Variants in MECOM observed in about 807,000 individuals in gnomAD.
The protein encoded by MECOM is MDS1 and EVI1 complex locus, also known as histone-lysine N-methyltransferase MECOM.
MECOM carries 13 observed loss-of-function variants against 116.3 expected under a neutral mutation model. The ratio of observed to expected loss-of-function variants is 0.11; its 90% CI spans 0.07 to 0.18. The LOEUF (loss-of-function observed/expected upper bound fraction) is 0.18. MECOM is among the 10% of genes least tolerant of loss of function. The pLI is 1.00. For missense variants in MECOM, 1,299 were observed against 1,509.0 expected (o/e 0.86, Z 2.31); for synonymous variants, 528 against 535.2 (o/e 0.99, Z 0.19).
At chr3:169,339,945 G>A (rs1432712988) in intron 2 of MECOM, among the ~76,000 whole-genome samples, 1 of 152,130 alleles carries the variant, frequency 6.6e-6, no homozygotes, top group Admixed American at 6.5e-5. Context: ...TTTCTAACAA[G>A]AGAATAGGAT....
At position 169,223,746 on chromosome 3, in the gene MECOM, A is replaced by G. The variant is rs1390005550; in HGVS notation, c.376-79914T>C. On this transcript the variant is annotated intron_variant, in intron 2 of 16. Transcript: ENST00000651503. ...GATAGTAATAGTACTACAATATCCA[A>G]CCACTTGATTTAACAGTATGTACAT... Among the ~76,000 whole-genome samples, 3 of 152,274 alleles carry G rather than the reference A, an allele frequency of 2.0e-5. 1 individual carries two copies. The East Asian group carries it at 5.8e-4, about 29-fold the overall frequency.
intron 2 of MECOM, among the ~76,000 whole-genome samples, chr3:169,351,056 C>A (rs976845184): frequency 1.3e-5 from 2 of 151,706 alleles, no homozygotes; most frequent in African/African-American, 4.8e-5. Flanking sequence ...CTAACTAATC[C>A]GATTTACATT....
At chr3:169,593,860 T>G (rs1182243268) in intron 1 of MECOM, among the ~76,000 whole-genome samples, 3 of 152,152 alleles carry the variant, frequency 2.0e-5, no homozygotes, top group Non-Finnish European at 4.4e-5. Flanking sequence ...GGCTCACACC[T>G]GTAATCCTGG....
intron 12 of MECOM, among the ~76,000 whole-genome samples, chr3:169,097,394 G>A (rs554672041): frequency 2.0e-5 from 3 of 152,116 alleles, no homozygotes; most frequent in South Asian, 4.1e-4. Context: ...ATTCCAATAA[G>A]AGCCTAAGTT....
At position 169,116,288 on chromosome 3, in the gene MECOM, G is replaced by T. The variant is rs1177270970; in HGVS notation, c.1584C>A (p.Leu528=). 1 of 1,614,080 alleles carries T rather than the reference G, an allele frequency of 6.2e-7. No homozygotes were observed. Among genetic ancestry groups the T allele is most frequent in the African/African-American group, 1.3e-5 (1 of 74,916 alleles). ...TEQTNKSQSP[L]MTHPQILPAT... Reference sequence around the variant, plus strand: ...CTGGCAGTATCTGAGGATGTGTCATGAGGGGACTTTGACTTTTGTTTGTCT... The same window carrying T: ...CTGGCAGTATCTGAGGATGTGTCATTAGGGGACTTTGACTTTTGTTTGTCT... Residue 528 remains leucine, a synonymous_variant, in exon 8 of 17, where the codon CTC becomes CTA. Transcript: ENST00000651503.
At chr3:169,387,060 AATTTGCC>A (rs1733454827) in intron 1 of MECOM, among the ~76,000 whole-genome samples, 2 of 152,288 alleles carry the variant, frequency 1.3e-5, no homozygotes, top group South Asian at 4.1e-4. Flanking sequence ...CCTAGTAGAC[AATTTGCC>A]ATTTGGTATT....
intron 1 of MECOM, among the ~76,000 whole-genome samples, chr3:169,424,393 C>T (rs1288280576): frequency 6.6e-6 from 1 of 152,094 alleles, no homozygotes; most frequent in African/African-American, 2.4e-5. Context: ...TTTTTCTGAT[C>T]TGATTGGCAG....
Position 169,351,377 on chromosome 3 carries a change from T to G in MECOM, c.375+29810A>C, listed in dbSNP as rs9853288. Among the ~76,000 whole-genome samples, 927 of 151,548 alleles carry G rather than the reference T, an allele frequency of 6.1e-3. 8 individuals are homozygous for G. The highest frequency in any genetic ancestry group is 0.022 in the African/African-American group (900 of 41,344). On this transcript the variant is annotated intron_variant, in intron 2 of 16. Coordinates refer to ENST00000651503, the MANE Select transcript of MECOM (RefSeq NM_004991.4). ...TAGATATTTTAGTCAATAATTGCAATTTTGTATCTAAGGTGATAAATCTAC... is the reference window on the plus strand; with the variant it reads ...TAGATATTTTAGTCAATAATTGCAAGTTTGTATCTAAGGTGATAAATCTAC...
chr3:169,273,813 G>C (rs1192877611), intron 2 of MECOM, among the ~76,000 whole-genome samples: 1 of 151,572 alleles, frequency 6.6e-6, no homozygotes, highest in East Asian at 1.9e-4. Context: ...GAAGAGGATG[G>C]TTTTGTCCCT....
chr3:169,576,832 C>CAGAG (rs1200979108), intron 1 of MECOM, among the ~76,000 whole-genome samples: 3,300 of 101,482 alleles, frequency 0.033, 42 homozygotes, highest in African/African-American at 0.047. Context: ...CACACACACA[C>CAGAG]ACACACAGAG....
chr3:169,483,712 G>A (rs983986411), intron 1 of MECOM: 12 of 1,584,236 alleles, frequency 7.6e-6, no homozygotes, highest in African/African-American at 4.1e-5. Flanking sequence ...TGGTTAATCT[G>A]GAAGTAACGT....
chr3:169,368,392 T>G (rs1469912679), intron 2 of MECOM, among the ~76,000 whole-genome samples: 3 of 152,076 alleles, frequency 2.0e-5, no homozygotes, highest in Non-Finnish European at 2.9e-5. Context: ...TCTATCAATG[T>G]AAATAAACTT....
chr3:169,418,438 C>T (rs2108494366), intron 1 of MECOM, among the ~76,000 whole-genome samples: 1 of 152,090 alleles, frequency 6.6e-6, no homozygotes, highest in East Asian at 1.9e-4. Flanking sequence ...CTGGTAGAGA[C>T]ACAACAAAAA....
chr3:169,572,952 A>G (rs1764091748), intron 1 of MECOM, among the ~76,000 whole-genome samples: 1 of 152,092 alleles, frequency 6.6e-6, no homozygotes, highest in South Asian at 2.1e-4. Context: ...CGTTCTGCAC[A>G]TGTATCCCAG....
At chr3:169,636,584 A>G (rs963482232) in intron 1 of MECOM, among the ~76,000 whole-genome samples, 1 of 152,156 alleles carries the variant, frequency 6.6e-6, no homozygotes, top group Admixed American at 6.5e-5. Flanking sequence ...GCAGTTTATA[A>G]CTGCCAAGTA....
intron 1 of MECOM, chr3:169,483,734 C>G: frequency 6.3e-7 from 1 of 1,592,644 alleles, no homozygotes; most frequent in Non-Finnish European, 8.6e-7. Flanking sequence ...ATTCGTAACT[C>G]TCTTTGCTGT....
At chr3:169,636,395 G>A (rs1317915556) in intron 1 of MECOM, among the ~76,000 whole-genome samples, 1 of 152,144 alleles carries the variant, frequency 6.6e-6, no homozygotes, top group Non-Finnish European at 1.5e-5. Flanking sequence ...CTTTTCTAAT[G>A]CTCCAAAACA....
chr3:169,225,935 T>C (rs550316656), intron 2 of MECOM, among the ~76,000 whole-genome samples: 5 of 152,316 alleles, frequency 3.3e-5, no homozygotes, highest in African/African-American at 1.2e-4. Flanking sequence ...GGCCACAGAC[T>C]GGTGCGGGAA....
At chr3:169,533,591 T>TTTTTAC (rs55667588) in intron 1 of MECOM, among the ~76,000 whole-genome samples, 1 of 132,248 alleles carries the variant, frequency 7.6e-6, no homozygotes, top group African/African-American at 2.9e-5. Context: ...TTTTTTTTTT[T>TTTTTAC]ATTTCCTTAT....
Sources: gnomAD v4.1 joint callset for allele counts (sites outside exome capture counted in the v4.1 genomes callset) on GRCh38, gnomAD v4.1.1 for gene constraint, MANE v1.5 for transcripts, NCBI Gene and HGNC (gene_info 2026-07-23, HGNC 2026-07-21) for gene names.